The following SLC22A24 variants were observed in gnomAD, a reference collection of about 807,000 sequenced individuals.
SLC22A24 encodes solute carrier family 22 member 24.
In SLC22A24, 53 loss-of-function variants were observed where a neutral mutation model predicts 49.8. The observed-to-expected ratio is 1.06, with a 90% confidence interval of 0.85 to 1.34. SLC22A24 has a LOEUF of 1.34. Ranked by LOEUF, SLC22A24 falls within the 40% of genes most tolerant of loss-of-function variation. SLC22A24 has a pLI of 0.00. For synonymous variants in SLC22A24, 302 were observed against 256.4 expected, an observed-to-expected ratio of 1.18 and a Z score of -1.70; for missense variants, 786 against 675.9, an observed-to-expected ratio of 1.16 and a Z score of -1.81.
intron 2 of SLC22A24, 147 bp from the exon 3 acceptor site, chr11:63,119,482 G>A: frequency 2.6e-6 from 2 of 756,058 alleles, no homozygotes; most frequent in South Asian, 4.1e-5. Context: ...TTATATTAGT[G>A]AGCAGCAAAA....
In SLC22A24 at chr11:63,119,339, A is replaced by G. The variant is rs1396709204; in HGVS notation, c.507-4T>C. ...GCATATGATCTTCCGTCCAACCCTA[A>G]GAAATATTAAACCAGATAACGTTAC... On this transcript the variant is annotated splice_polypyrimidine_tract_variant and splice_region_variant and intron_variant, in intron 2 of 9. Coordinates refer to ENST00000612278, the MANE Select transcript of SLC22A24 (RefSeq NM_001136506.2). 4.6e-6 allele frequency: 7 copies of G among 1,525,456 alleles called. No homozygotes were observed. Among genetic ancestry groups the G allele is most frequent in the Admixed American group, 4.7e-5 (2 of 42,982 alleles). The allele number at this position is 1,525,456 out of a possible 1,614,324, so 94.5% of individuals were successfully genotyped here.
At chr11:63,104,432 G>A in intron 4 of SLC22A24, 134 bp from the exon 5 acceptor site, 1 of 925,332 alleles carries the variant, frequency 1.1e-6, no homozygotes, top group Non-Finnish European at 1.6e-6. Flanking sequence ...GACCAAATTG[G>A]CCTCCTCTGC....
intron 6 of SLC22A24, among the ~76,000 whole-genome samples, chr11:63,091,484 T>C (rs1287797622): frequency 6.6e-6 from 1 of 152,166 alleles, no homozygotes; most frequent in African/African-American, 2.4e-5. Context: ...ATATCCCTGG[T>C]GAACATCGAT....
chr11:63,108,931 G>T (rs1281077142), intron 4 of SLC22A24, among the ~76,000 whole-genome samples: 4 of 143,492 alleles, frequency 2.8e-5, no homozygotes, highest in African/African-American at 2.6e-5. Flanking sequence ...GTGCCATGCT[G>T]GTGTGCTGCA....
In SLC22A24 at chr11:63,115,478, C is replaced by T. The variant is rs560098279; in HGVS notation, c.830+3434G>A. ...TTCCAGGTACAGTCTGTCATGGCTT[C>T]CTTTGGCTAGGAAAGGGAAATCCCC... On this transcript the variant is annotated intron_variant, in intron 4 of 9. Coordinates refer to ENST00000612278, the MANE Select transcript of SLC22A24 (RefSeq NM_001136506.2). 7.2e-5 allele frequency among the ~76,000 whole-genome samples: 11 copies of T among 152,236 alleles called. No homozygotes were observed. In the South Asian group the frequency reaches 2.3e-3, roughly 32 times the overall value.
In SLC22A24 at chr11:63,081,573, A is replaced by C; in HGVS notation, c.1379T>G (p.Val460Gly). The C allele has an allele frequency of 6.5e-7, 1 of 1,549,826 alleles. No homozygotes were observed. Among genetic ancestry groups the C allele is most frequent in the Non-Finnish European group, 8.7e-7 (1 of 1,145,428 alleles). The change falls in exon 8 of 10, where the codon GTC becomes GGC. Residue 460 changes from valine (V) to glycine (G), a missense_variant. By Grantham distance (109) the Val-to-Gly change is moderately radical (BLOSUM62 -3). Coordinates refer to ENST00000612278, the MANE Select transcript of SLC22A24 (RefSeq NM_001136506.2). ...NSASVHHNEL[V>G]PTILRSTVAG... ...GCTCTTGTACCTCAATATGGTGGGG[A>C]CGAGCTCGTTGTGGTGGACAGAAGC...
chr11:63,091,707 C>A (rs1460013684), intron 6 of SLC22A24, among the ~76,000 whole-genome samples: 2 of 152,004 alleles, frequency 1.3e-5, no homozygotes, highest in African/African-American at 2.4e-5. Context: ...AAATTCAACA[C>A]CCTTTCATGC....
At chr11:63,134,639 C>T (rs1474259309) in intron 2 of SLC22A24, 26 bp downstream of exon 2, 2 of 1,304,854 alleles carry the variant, frequency 1.5e-6, no homozygotes, top group Admixed American at 2.0e-5. Context: ...GATAAACAGC[C>T]CCAAAGAAAG....
At chr11:63,137,346 G>A (rs542391714) in intron 1 of SLC22A24, among the ~76,000 whole-genome samples, 1 of 152,168 alleles carries the variant, frequency 6.6e-6, no homozygotes, top group Non-Finnish European at 1.5e-5. Context: ...GTTTGTATAT[G>A]TGAAAGGGAT....
intron 1 of SLC22A24, among the ~76,000 whole-genome samples, chr11:63,140,467 G>A (rs865822354): frequency 1.3e-5 from 2 of 152,152 alleles, no homozygotes; most frequent in African/African-American, 4.8e-5. Context: ...TATCAGATCT[G>A]CTAAATGCCT....
intron 6 of SLC22A24, among the ~76,000 whole-genome samples, chr11:63,087,024 GCACACACACACA>G (rs1555045310): frequency 6.8e-5 from 9 of 132,556 alleles, no homozygotes; most frequent in Non-Finnish European, 1.1e-4. Context: ...CCTGGAGGGC[GCACACACACACA>G]CACACACACA....
At chr11:63,110,024 A>G (rs1011451112) in intron 4 of SLC22A24, among the ~76,000 whole-genome samples, 5 of 152,106 alleles carry the variant, frequency 3.3e-5, no homozygotes, top group South Asian at 2.1e-4. Flanking sequence ...TGATTTTTGT[A>G]TAAGGTGTAA....
intron 6 of SLC22A24, among the ~76,000 whole-genome samples, chr11:63,091,058 G>T (rs1274642456): frequency 6.6e-6 from 1 of 150,404 alleles, no homozygotes. Context: ...AAGAAGAAAA[G>T]AGAGAAAAAG....
In SLC22A24 at chr11:63,113,055, C is replaced by CAT. The variant is rs1289188803; in HGVS notation, c.830+5855_830+5856dup. The stretch of plus-strand genomic sequence containing the variant: ...AAAAAAATATATATATATATATATA[C>CAT]ATATATATATATACATATATATACA... On this transcript the variant is annotated intron_variant, in intron 4 of 9. Coordinates refer to ENST00000612278, the MANE Select transcript of SLC22A24 (RefSeq NM_001136506.2). Among the ~76,000 whole-genome samples, 10 of 3,000 alleles carry CAT rather than the reference C, an allele frequency of 3.3e-3. 3 individuals carry two copies. The Admixed American group carries it at 0.038, about 12-fold the overall frequency. The allele number at this position is 3,000 out of a possible 152,430, so 2.0% of individuals were successfully genotyped here. A position where few individuals can be genotyped will look rare whatever the true frequency, so the allele number is the denominator to read the frequency against.
At chr11:63,093,139 A>T (rs1047136033) in intron 6 of SLC22A24, among the ~76,000 whole-genome samples, 1 of 152,244 alleles carries the variant, frequency 6.6e-6, no homozygotes, top group African/African-American at 2.4e-5. Context: ...CCACAATGAG[A>T]TACCATCCCA....
At chr11:63,084,079 A>G (rs778253825) in intron 6 of SLC22A24, among the ~76,000 whole-genome samples, 3 of 152,182 alleles carry the variant, frequency 2.0e-5, no homozygotes, top group Non-Finnish European at 4.4e-5. Context: ...TACCATATCA[A>G]CCACCAAGGT....
chr11:63,104,560 T>C (rs1231094703), intron 4 of SLC22A24, among the ~76,000 whole-genome samples: 1 of 152,102 alleles, frequency 6.6e-6, no homozygotes, highest in African/African-American at 2.4e-5. Context: ...TACCTGAGAC[T>C]GGGTAACTTA....
intron 1 of SLC22A24, among the ~76,000 whole-genome samples, chr11:63,138,744 G>C (rs1392171771): frequency 6.6e-6 from 1 of 151,436 alleles, no homozygotes; most frequent in Non-Finnish European, 1.5e-5. Flanking sequence ...AATAGCTAAG[G>C]CTTTATCTTT....
intron 6 of SLC22A24, among the ~76,000 whole-genome samples, chr11:63,088,957 C>T (rs965014035): frequency 6.6e-6 from 1 of 152,004 alleles, no homozygotes; most frequent in Admixed American, 6.6e-5. Context: ...AATTGGTGTC[C>T]CTGAAAATGA....
Sources: allele counts gnomAD v4.1 joint callset (sites outside exome capture counted in the v4.1 genomes callset), GRCh38; gene constraint gnomAD v4.1.1; transcripts MANE v1.5; gene names NCBI Gene and HGNC (gene_info 2026-07-23, HGNC 2026-07-21).